The following CAB39 variants were observed in gnomAD, a reference collection of about 807,000 sequenced individuals.
The protein encoded by CAB39 is calcium binding protein 39.
Under a neutral mutation model 40.0 loss-of-function variants are expected in CAB39, and 8 were observed. That is an observed-to-expected ratio of 0.20 (90% CI 0.12 to 0.36). The LOEUF (loss-of-function observed/expected upper bound fraction) is 0.36, where lower values mean the gene tolerates loss of function less well. Ranked by LOEUF, CAB39 falls within the 10% of genes least tolerant of loss-of-function variation. The probability of loss-of-function intolerance (pLI) is 1.00; values close to 1 mark genes in which losing one functional copy is unlikely to be tolerated. For missense variants in CAB39, 270 were observed against 401.1 expected (o/e 0.67, Z 2.79); for synonymous variants, 156 against 141.6 (o/e 1.10, Z -0.72).
chr2:230,714,629 A>G (rs950793868), intron 1 of CAB39, among the ~76,000 whole-genome samples: 1 of 152,250 alleles, frequency 6.6e-6, no homozygotes, highest in Non-Finnish European at 1.5e-5. Flanking sequence ...GTAAAATAAC[A>G]TAAATTGATG....
At chr2:230,790,577 G>A (rs1317996580) in intron 2 of CAB39, among the ~76,000 whole-genome samples, 2 of 152,202 alleles carry the variant, frequency 1.3e-5, no homozygotes, top group Non-Finnish European at 1.5e-5. Context: ...ACTTGAGGAA[G>A]TGAACCTTTC....
chr2:230,759,665 C>G (rs1487698019), intron 1 of CAB39, among the ~76,000 whole-genome samples: 1 of 152,200 alleles, frequency 6.6e-6, no homozygotes, highest in Non-Finnish European at 1.5e-5. Flanking sequence ...CTGCTGCTCT[C>G]TACCTCAGCA....
intron 5 of CAB39, among the ~76,000 whole-genome samples, chr2:230,809,859 C>T (rs866813138): frequency 1.3e-5 from 2 of 152,146 alleles, no homozygotes; most frequent in African/African-American, 2.4e-5. Flanking sequence ...CTTTCTCCAC[C>T]GGGAGCGCTA....
chr2:230,730,379 A>G (rs1021847181), intron 1 of CAB39, among the ~76,000 whole-genome samples: 32 of 151,906 alleles, frequency 2.1e-4, no homozygotes, highest in Non-Finnish European at 1.5e-5. Flanking sequence ...TAATTAAGCT[A>G]CCCTTTATAT....
At chr2:230,725,573 G>T (rs1694551848) in intron 1 of CAB39, among the ~76,000 whole-genome samples, 1 of 152,064 alleles carries the variant, frequency 6.6e-6, no homozygotes, top group Non-Finnish European at 1.5e-5. Flanking sequence ...TGTGTAATTG[G>T]CCCGAAGTTA....
At chr2:230,753,539 G>A (rs1695126459) in intron 1 of CAB39, among the ~76,000 whole-genome samples, 1 of 151,990 alleles carries the variant, frequency 6.6e-6, no homozygotes, top group Non-Finnish European at 1.5e-5. Flanking sequence ...TAGATCACGA[G>A]GTCAGGAGTT....
intron 1 of CAB39, among the ~76,000 whole-genome samples, chr2:230,721,346 G>A (rs1248759864): frequency 2.8e-4 from 42 of 152,172 alleles, no homozygotes; most frequent in African/African-American, 9.9e-4. Context: ...CAGGAGAATC[G>A]CTTGAGCCCT....
intron 2 of CAB39, among the ~76,000 whole-genome samples, chr2:230,772,002 A>G (rs899222128): frequency 2.6e-5 from 4 of 152,198 alleles, no homozygotes; most frequent in Non-Finnish European, 5.9e-5. Context: ...AATCTTTGTG[A>G]CCTTGGGTTA....
At chr2:230,800,041 A>G (rs1173686891) in intron 5 of CAB39, among the ~76,000 whole-genome samples, 1 of 152,102 alleles carries the variant, frequency 6.6e-6, no homozygotes, top group Non-Finnish European at 1.5e-5. Flanking sequence ...CCCAAAGAAA[A>G]TACATATATA....
At chr2:230,763,167 G>A (rs892620273) in intron 2 of CAB39, among the ~76,000 whole-genome samples, 1 of 152,188 alleles carries the variant, frequency 6.6e-6, no homozygotes, top group Non-Finnish European at 1.5e-5. Flanking sequence ...AAAAAATTTA[G>A]TGAGAAGTGT....
intron 2 of CAB39, among the ~76,000 whole-genome samples, chr2:230,773,953 G>A (rs1695538351): frequency 6.6e-6 from 1 of 152,080 alleles, no homozygotes; most frequent in South Asian, 2.1e-4. Flanking sequence ...ATTCTAGAAG[G>A]AATTCAAGCT....
chr2:230,788,506 G>A (rs1695834630), intron 2 of CAB39, among the ~76,000 whole-genome samples: 1 of 152,016 alleles, frequency 6.6e-6, no homozygotes, highest in African/African-American at 2.4e-5. Flanking sequence ...GTTTAATACT[G>A]TCTTCATTGC....
rs756316802 is a variant in CAB39 at position 230,770,844 on chromosome 2, T to TA, written c.114+10737dup. 3.6e-4 allele frequency among the ~76,000 whole-genome samples: 54 copies of TA among 151,912 alleles called. 1 individual carries two copies. Among genetic ancestry groups the TA allele is most frequent in the Admixed American group, 2.5e-3 (38 of 15,244 alleles). The stretch of plus-strand genomic sequence containing the variant: ...GAAAAAAACCAGCATCTATTCCTGA[T>TA]AAAAAAAATAATCTCAGCAAACTAG... On this transcript the variant is annotated intron_variant, in intron 2 of 8. Transcript: ENST00000258418.
intron 5 of CAB39, among the ~76,000 whole-genome samples, chr2:230,808,048 CTTTTT>C (rs1232336679): frequency 7.4e-6 from 1 of 135,790 alleles, no homozygotes; most frequent in African/African-American, 3.4e-5. Flanking sequence ...GTGCCAGGCA[CTTTTT>C]TTCTTTTCTT....
At chr2:230,788,748 C>G (rs1191419694) in intron 2 of CAB39, among the ~76,000 whole-genome samples, 2 of 152,162 alleles carry the variant, frequency 1.3e-5, no homozygotes, top group East Asian at 3.8e-4. Flanking sequence ...TTTTGACTTG[C>G]ATCATTCCTG....
intron 2 of CAB39, among the ~76,000 whole-genome samples, chr2:230,767,246 C>T (rs1439652797): frequency 1.3e-5 from 2 of 152,174 alleles, no homozygotes; most frequent in African/African-American, 4.8e-5. Flanking sequence ...TAACTCTATC[C>T]TTTCCGTTTT....
intron 8 of CAB39, 91 bp downstream of exon 8, chr2:230,817,988 G>C (rs560467478): frequency 8.8e-7 from 1 of 1,135,124 alleles, no homozygotes; most frequent in Non-Finnish European, 1.3e-6. Flanking sequence ...CCTCACTCTG[G>C]TAATCCAGGT....
rs55722046 is a variant in CAB39, at chr2:230,761,888, TTTGTTG to T, written c.114+1803_114+1808del. On this transcript the variant is annotated intron_variant, in intron 2 of 8. Transcript: ENST00000258418. Reference sequence around the variant, plus strand: ...GGTACTGTTTTTTGTTTGTTTTTTATTTGTTGTTGTTGTTGTTGTTGTTGTTGTTGT... The same window carrying T: ...GGTACTGTTTTTTGTTTGTTTTTTATTTGTTGTTGTTGTTGTTGTTGTTGT... 1.8e-3 allele frequency among the ~76,000 whole-genome samples: 274 copies of T among 149,954 alleles called. 1 individual carries two copies. Among genetic ancestry groups the T allele is most frequent in the South Asian group, 4.0e-3 (19 of 4,720 alleles).
chr2:230,801,949 A>G (rs1696097640), intron 5 of CAB39, among the ~76,000 whole-genome samples: 1 of 152,144 alleles, frequency 6.6e-6, no homozygotes, highest in South Asian at 2.1e-4. Context: ...AGATGGCCAA[A>G]TATTTGTAAA....
Sources: allele counts gnomAD v4.1 joint callset (sites outside exome capture counted in the v4.1 genomes callset), GRCh38; gene constraint gnomAD v4.1.1; transcripts MANE v1.5; gene names NCBI Gene and HGNC (gene_info 2026-07-23, HGNC 2026-07-21).